The following FGD5 variants were observed in gnomAD, a reference collection of about 807,000 sequenced individuals.
FGD5 encodes FYVE, RhoGEF and PH domain containing 5.
A neutral mutation model predicts 133.4 loss-of-function variants in FGD5; 28 were observed. The ratio of observed to expected loss-of-function variants is 0.21; its 90% CI spans 0.16 to 0.29. FGD5 has a LOEUF of 0.29. Ranked by LOEUF, FGD5 falls within the 10% of genes least tolerant of loss-of-function variation. The pLI, the probability that FGD5 is intolerant of heterozygous loss-of-function variation, is 1.00. For missense variants in FGD5, 1,858 were observed against 1,895.2 expected, an observed-to-expected ratio of 0.98 and a Z score of 0.36; for synonymous variants, 810 against 776.5, an observed-to-expected ratio of 1.04 and a Z score of -0.72.
intron 4 of FGD5, among the ~76,000 whole-genome samples, chr3:14,885,846 A>G (rs2037916258): frequency 6.6e-6 from 1 of 152,214 alleles, no homozygotes. Flanking sequence ...CTCCTATTCA[A>G]TGGGAGGAAT....
intron 2 of FGD5, among the ~76,000 whole-genome samples, chr3:14,864,862 A>T (rs1342667178): frequency 3.3e-5 from 5 of 152,056 alleles, no homozygotes; most frequent in Non-Finnish European, 7.4e-5. Context: ...TCTATTGGAC[A>T]CTCATGGTGA....
chr3:14,927,024 C>T (rs1425227226), intron 18 of FGD5, among the ~76,000 whole-genome samples: 1 of 152,250 alleles, frequency 6.6e-6, no homozygotes, highest in African/African-American at 2.4e-5. Context: ...CTGGAAGGAC[C>T]TGCAACTGTG....
At chr3:14,827,284 T>TTC (rs1427841674) in intron 1 of FGD5, among the ~76,000 whole-genome samples, 226 of 132,662 alleles carry the variant, frequency 1.7e-3, no homozygotes, top group Middle Eastern at 3.8e-3. Context: ...TGGTATTCTT[T>TTC]TTTTTTTTTT....
At position 14,819,199 on chromosome 3, in the gene FGD5, A is replaced by G; in HGVS notation, c.128A>G (p.Asp43Gly). The G allele has an allele frequency of 6.4e-7, 1 of 1,550,722 alleles. No individual in the cohort carries two copies. The highest frequency in any genetic ancestry group is 8.7e-7 in the Non-Finnish European group (1 of 1,146,704). The change falls in exon 1 of 20, where the codon GAC becomes GGC. Residue 43 changes from aspartate (D) to glycine (G), a missense_variant. Transcript: ENST00000285046. This position sits in a 1 kb window ranked among gnomAD's most constrained non-coding sequence, Gnocchi z 4.1. ...KCSNGRLPCV[D>G]RGLDEGPRSI... ...AGCAACGGGCGGCTGCCCTGTGTAG[A>G]CAGGGGGCTTGATGAGGGGCCCCGG...
intron 5 of FGD5, 83 bp from the exon 6 acceptor site, chr3:14,897,856 T>A (rs1314880875): frequency 6.4e-7 from 1 of 1,558,236 alleles, no homozygotes; most frequent in East Asian, 2.3e-5. Context: ...CACCCAGGGA[T>A]GTGACTCCAG....
chr3:14,932,566 G>T lies in FGD5; in HGVS notation c.4198-11G>T. The T allele has an allele frequency of 6.2e-7, 1 of 1,607,836 alleles. No homozygotes were observed. Among genetic ancestry groups the T allele is most frequent in the Non-Finnish European group, 8.5e-7 (1 of 1,178,042 alleles). The stretch of plus-strand genomic sequence containing the variant: ...GTGTTTAATGTCAATTTTTCCTTCT[G>T]TCCTCTGCAGGACAAAGTGGCCTTG... On this transcript the variant is annotated splice_polypyrimidine_tract_variant and intron_variant, in intron 18 of 19. Transcript: ENST00000285046.
At chr3:14,923,843 TTGTC>T (rs2038734764) in intron 16 of FGD5, 161 bp from the exon 17 acceptor site, 3 of 883,800 alleles carry the variant, frequency 3.4e-6, no homozygotes, top group South Asian at 3.3e-5. Flanking sequence ...CCCATAGCCT[TTGTC>T]TGTTCCTGCA....
intron 1 of FGD5, among the ~76,000 whole-genome samples, chr3:14,860,413 GTGAAATAAATGAGCC>G (rs1559483431): frequency 1.3e-5 from 2 of 152,228 alleles, no homozygotes; most frequent in African/African-American, 4.8e-5. Flanking sequence ...ATATAGGACA[GTGAAATAAATGAGCC>G]AGAAATATCA....
intron 1 of FGD5, among the ~76,000 whole-genome samples, chr3:14,854,680 A>G (rs36099535): frequency 0.27 from 41,466 of 152,036 alleles, 7,088 homozygotes; most frequent in Non-Finnish European, 0.39. Flanking sequence ...TCAGCCTTCC[A>G]AAGTGCTGGG....
chr3:14,908,945 T>TTCATTCATTCATTC (rs1553630938), intron 10 of FGD5, among the ~76,000 whole-genome samples: 1 of 143,344 alleles, frequency 7.0e-6, no homozygotes, highest in African/African-American at 2.5e-5. Context: ...TTTATTTATT[T>TTCATTCATTCATTC]ATTTATTCAT....
At chr3:14,905,132 T>A (rs1349772431) in intron 9 of FGD5, among the ~76,000 whole-genome samples, 1 of 152,142 alleles carries the variant, frequency 6.6e-6, no homozygotes, top group African/African-American at 2.4e-5. Flanking sequence ...CAATTTACCT[T>A]AATTTGTGGA....
chr3:14,836,820 A>G (rs1304792282), intron 1 of FGD5, among the ~76,000 whole-genome samples: 2 of 152,242 alleles, frequency 1.3e-5, no homozygotes, highest in Non-Finnish European at 2.9e-5. Context: ...CTGGCAGCAC[A>G]GAAGGAGCAG....
chr3:14,823,347 T>G (rs1022914658), intron 1 of FGD5, among the ~76,000 whole-genome samples: 2 of 152,164 alleles, frequency 1.3e-5, no homozygotes, highest in Non-Finnish European at 2.9e-5. Flanking sequence ...AGCTGCCTCA[T>G]CGGGTGCTGG....
intron 1 of FGD5, among the ~76,000 whole-genome samples, chr3:14,853,060 G>A (rs1040917700): frequency 7.8e-5 from 11 of 140,930 alleles, no homozygotes; most frequent in African/African-American, 3.0e-4. Flanking sequence ...GTTTCCTGAG[G>A]AATCCAGGAC....
chr3:14,876,008 G>T (rs922905144), intron 2 of FGD5, among the ~76,000 whole-genome samples: 2 of 152,150 alleles, frequency 1.3e-5, no homozygotes, highest in Admixed American at 6.5e-5. Flanking sequence ...TTAACATCAG[G>T]CTGCGCCATC....
intron 4 of FGD5, among the ~76,000 whole-genome samples, chr3:14,894,465 T>C (rs1372551997): frequency 1.3e-5 from 2 of 151,804 alleles, no homozygotes; most frequent in African/African-American, 4.8e-5. Flanking sequence ...TTCTTTTAAA[T>C]ATCTACTCAG....
chr3:14,831,455 T>C (rs1225669897), intron 1 of FGD5, among the ~76,000 whole-genome samples: 2 of 152,092 alleles, frequency 1.3e-5, no homozygotes, highest in Non-Finnish European at 2.9e-5. Context: ...TTCATCAAGC[T>C]GTGTGATTTT....
At chr3:14,844,963 A>T (rs537947406) in intron 1 of FGD5, among the ~76,000 whole-genome samples, 1 of 152,256 alleles carries the variant, frequency 6.6e-6, no homozygotes, top group East Asian at 1.9e-4. Flanking sequence ...AAGGTGTGCA[A>T]GGAAGTCCCT....
At chr3:14,817,444 C>T (rs2036388095), upstream of FGD5, among the ~76,000 whole-genome samples, 1 of 152,168 alleles carries the variant, frequency 6.6e-6, no homozygotes, top group Non-Finnish European at 1.5e-5. Context: ...GATCTGCCCA[C>T]CTTAGCTTCT....
Sources: allele counts gnomAD v4.1 joint callset (sites outside exome capture counted in the v4.1 genomes callset), GRCh38; gene constraint gnomAD v4.1.1; non-coding constraint Gnocchi (gnomAD v3.1); transcripts MANE v1.5; gene names NCBI Gene and HGNC (gene_info 2026-07-23, HGNC 2026-07-21).